The following MAP3K14 variants were observed in gnomAD, a reference collection of about 807,000 sequenced individuals.
The protein encoded by MAP3K14 is NF-kappa-beta-inducing kinase.
In MAP3K14, 16 loss-of-function variants were observed where a neutral mutation model predicts 99.2. The observed-to-expected ratio is 0.16, with a 90% CI of 0.11 to 0.24. The LOEUF is 0.24. Among genes scored for constraint, MAP3K14 ranks in the 10% least tolerant of loss-of-function variants. The pLI is 1.00. For synonymous variants in MAP3K14, 462 were observed against 492.4 expected, an observed-to-expected ratio of 0.94 and a Z score of 0.82; for missense variants, 784 against 1,208.7, an observed-to-expected ratio of 0.65 and a Z score of 5.21.
At position 45,267,502 on chromosome 17, in the gene MAP3K14, G is replaced by A. The variant is rs1303067161; in HGVS notation, c.2230C>T (p.Pro744Ser). 1.2e-5 allele frequency: 19 copies of A among 1,612,908 alleles called. No homozygotes were observed. Among genetic ancestry groups the A allele is most frequent in the Non-Finnish European group, 1.5e-5 (18 of 1,179,402 alleles). The change falls in exon 12 of 16, where the codon CCT (proline) becomes TCT (serine). Residue 744 changes from proline (P) to serine (S), a missense_variant. Physicochemically the swap from Pro to Ser is moderately conservative, Grantham distance 74. Around this residue, in one of 5 missense-constraint regions of MAP3K14, gnomAD observed 128 missense variants for 143.3 expected, o/e 0.89. Transcript: ENST00000344686. The surrounding 1 kb of genome is among the most constrained non-coding windows in gnomAD (Gnocchi z 5.1). ...GGGGCTGGCTCCAGGGAGGACAGAG[G>A]TAAGGGTTCCCACATCCCAGACTCC... ...KEESGMWEPL[P>S]LSSLEPAPAR...
At chr17:45,289,211 A>T in intron 3 of MAP3K14, 25 bp downstream of exon 3, 7 of 1,610,960 alleles carry the variant, frequency 4.3e-6, no homozygotes, top group Non-Finnish European at 5.9e-6. Context: ...CCACCTTCCC[A>T]CTCAGGCTTG....
In MAP3K14 at chr17:45,267,758, C is replaced by A; in HGVS notation, c.1974G>T (p.Val658=). 1 of 1,605,922 alleles carries A rather than the reference C, an allele frequency of 6.2e-7. No homozygotes were observed. Among genetic ancestry groups the A allele is most frequent in the Non-Finnish European group, 8.5e-7 (1 of 1,178,564 alleles). The part of the protein sequence containing the change: ...GGKVNRALQQ[V]GGLKSPWRGE... ...CCCTCCAAGGGCTCTTCAGACCTCC[C>A]ACTAGAAAACAGAGAGTACAATGGT... is the stretch of plus-strand genomic sequence containing the variant. Residue 658 remains valine, a splice_region_variant and synonymous_variant, in exon 12 of 16, where the codon GTG becomes GTT. Coordinates refer to ENST00000344686, the MANE Select transcript of MAP3K14 (RefSeq NM_003954.5). This position sits in a 1 kb window ranked among gnomAD's most constrained non-coding sequence, Gnocchi z 5.1.
At position 45,289,237 on chromosome 17, in the gene MAP3K14, T is replaced by C; in HGVS notation, c.325A>G (p.Ser109Gly). ...CTCAGGCTTGTCTCCCCTGCTTACC[T>C]GTACTGTTTGGACCCAGCGATGAAA... ...RIFIAGSKQYSQSESLDQIPN... is the reference protein window; with the variant it reads ...RIFIAGSKQYGQSESLDQIPN... Residue 109 changes from serine (S) to glycine (G), a missense_variant and splice_region_variant, in exon 3 of 16, where the codon AGC (serine) becomes GGC (glycine). Ser to Gly is a moderately conservative substitution (Grantham distance 56). Coordinates refer to ENST00000344686, the MANE Select transcript of MAP3K14 (RefSeq NM_003954.5). 2 of 1,613,864 alleles carry C rather than the reference T, an allele frequency of 1.2e-6. No homozygotes were observed. The highest frequency in any genetic ancestry group is 1.7e-6 in the Non-Finnish European group (2 of 1,179,760).
intron 1 of MAP3K14, among the ~76,000 whole-genome samples, chr17:45,294,161 C>A (rs910069137): frequency 3.3e-5 from 5 of 152,240 alleles, no homozygotes; most frequent in African/African-American, 1.2e-4. Context: ...GGCATTGGGC[C>A]CTCTACTCTC....
chr17:45,287,735 T>TTGGGGAGA (rs2044278801), intron 3 of MAP3K14, among the ~76,000 whole-genome samples: 1 of 152,222 alleles, frequency 6.6e-6, no homozygotes, highest in African/African-American at 2.4e-5. Context: ...GTTCGCTCAC[T>TTGGGGAGA]GCTCTCCAAG....
Position 45,270,481 on chromosome 17 carries a change from C to G in MAP3K14, c.1904G>C (p.Arg635Thr). ...AGACACGCGGTGGATGGGCTCTTTC[C>G]TCAGCCCCTCTTGGATGGCCTGGGC... Reference protein sequence around the residue: ...LTAQAIQEGLRKEPIHRVSAA... With the variant: ...LTAQAIQEGLTKEPIHRVSAA... The change falls in exon 11 of 16, where the codon AGG becomes ACG. Residue 635 changes from arginine to threonine, a missense_variant. This residue lies in a region of MAP3K14 where 200 missense variants were observed against 367.9 expected (regional missense o/e 0.54). Coordinates refer to ENST00000344686, the MANE Select transcript of MAP3K14 (RefSeq NM_003954.5). 1 of 1,611,146 alleles carries G rather than the reference C, an allele frequency of 6.2e-7. No individual in the cohort carries two copies. Among genetic ancestry groups the G allele is most frequent in the Non-Finnish European group, 8.5e-7 (1 of 1,178,922 alleles).
At chr17:45,301,356 A>G (rs1236028966) in intron 1 of MAP3K14, among the ~76,000 whole-genome samples, 2 of 152,076 alleles carry the variant, frequency 1.3e-5, no homozygotes, top group Non-Finnish European at 1.5e-5. Flanking sequence ...CCAGCTACTC[A>G]GGAGACTGAG....
chr17:45,274,096 A>G, intron 8 of MAP3K14, 27 bp downstream of exon 8: 1 of 1,604,834 alleles, frequency 6.2e-7, no homozygotes, highest in Non-Finnish European at 8.5e-7. Context: ...CCTGCTGGGG[A>G]TCAGGGCCGT....
intron 6 of MAP3K14, among the ~76,000 whole-genome samples, chr17:45,278,373 C>G (rs1488761016): frequency 6.6e-6 from 1 of 152,224 alleles, no homozygotes; most frequent in African/African-American, 2.4e-5. Flanking sequence ...CTTCCGTGTT[C>G]CTCATCCGTA....
rs757794609 is a variant in MAP3K14, at chr17:45,270,547, G to A, written c.1838C>T (p.Pro613Leu). ...PLCLKIASEPPPVREIPPSCA... is the reference protein window; with the variant it reads ...PLCLKIASEPLPVREIPPSCA... ...GGAGGGTGGGATCTCCCTCACAGGC[G>A]GAGGCTCGCTGGCAATCTGGGGGGC... is the stretch of plus-strand genomic sequence containing the variant. Residue 613 changes from proline (P) to leucine (L), a missense_variant, in exon 11 of 16, where the codon CCG becomes CTG. This residue lies in a region of MAP3K14 where 200 missense variants were observed against 367.9 expected (regional missense o/e 0.54). Transcript: ENST00000344686. The A allele has an allele frequency of 6.4e-7, 1 of 1,558,886 alleles. No individual in the cohort carries two copies. The highest frequency in any genetic ancestry group is 1.2e-5 in the South Asian group (1 of 83,790).
chr17:45,278,679 CT>C (rs34562745), intron 6 of MAP3K14, among the ~76,000 whole-genome samples: 2,178 of 138,996 alleles, frequency 0.016, 37 homozygotes, highest in African/African-American at 0.044. Flanking sequence ...CCATGCTGAA[CT>C]TTTTTTTTTT....
In MAP3K14 at chr17:45,285,073, C is replaced by G. The variant is rs1489493646; in HGVS notation, c.1153-124G>C. The G allele has an allele frequency of 4.7e-6, 5 of 1,062,340 alleles. No homozygotes were observed. In the African/African-American group the frequency reaches 8.0e-5, roughly 17 times the overall value. The allele number at this position is 1,062,340 out of a possible 1,614,324, so 65.8% of individuals were successfully genotyped here. On this transcript the variant is annotated intron_variant, in intron 5 of 15. Coordinates refer to ENST00000344686, the MANE Select transcript of MAP3K14 (RefSeq NM_003954.5). ...GGGCTGCTGAGCTGAGCCCTCACAACCAGGCAGCCCTGGGGCGAAGGCAGG... is the reference window on the plus strand; with the variant it reads ...GGGCTGCTGAGCTGAGCCCTCACAAGCAGGCAGCCCTGGGGCGAAGGCAGG...
At chr17:45,302,648 C>T (rs947404506) in intron 1 of MAP3K14, among the ~76,000 whole-genome samples, 20 of 152,180 alleles carry the variant, frequency 1.3e-4, no homozygotes, top group African/African-American at 4.8e-4. Context: ...AAAAAAGAAT[C>T]TCTTGGCATG....
At chr17:45,275,887 G>A (rs1598247877) in intron 6 of MAP3K14, among the ~76,000 whole-genome samples, 1 of 150,494 alleles carries the variant, frequency 6.6e-6, no homozygotes, top group Admixed American at 6.7e-5. Context: ...TCAGCCTCCC[G>A]AGTAGCTGGG....
chr17:45,280,299 C>CTTTTTTTTTTTTTTTTTTTTTTT, intron 6 of MAP3K14, among the ~76,000 whole-genome samples: 1 of 122,334 alleles, frequency 8.2e-6, no homozygotes, highest in Non-Finnish European at 1.7e-5. Flanking sequence ...CACAGAAACA[C>CTTTTTTTTTTTTTTTTTTTTTTT]TTTTTTTTTT....
intron 3 of MAP3K14, among the ~76,000 whole-genome samples, chr17:45,288,385 T>TTG (rs1269481520): frequency 6.6e-6 from 1 of 151,018 alleles, no homozygotes; most frequent in Non-Finnish European, 1.5e-5. Flanking sequence ...TCTTGTTTTT[T>TTG]TTTTTTTTTT....
intron 1 of MAP3K14, among the ~76,000 whole-genome samples, chr17:45,302,539 C>G (rs950375027): frequency 6.6e-6 from 1 of 152,134 alleles, no homozygotes; most frequent in Non-Finnish European, 1.5e-5. Context: ...AACTCCTGAC[C>G]TCAAGTGATC....
chr17:45,291,296 CTGTGTG>C (rs10578692), intron 1 of MAP3K14, among the ~76,000 whole-genome samples: 3 of 149,824 alleles, frequency 2.0e-5, no homozygotes, highest in African/African-American at 7.3e-5. Context: ...AGGTAGATAT[CTGTGTG>C]TGTGTGTGTG....
At chr17:45,288,651 T>C (rs111414161) in intron 3 of MAP3K14, among the ~76,000 whole-genome samples, 7 of 152,234 alleles carry the variant, frequency 4.6e-5, no homozygotes, top group African/African-American at 1.7e-4. Flanking sequence ...GCTGGGATTA[T>C]AGGTGAGAGC....
Sources: allele counts gnomAD v4.1 joint callset (sites outside exome capture counted in the v4.1 genomes callset), GRCh38; gene constraint gnomAD v4.1.1; regional missense constraint gnomAD v4.1.1; non-coding constraint Gnocchi (gnomAD v3.1); transcripts MANE v1.5; gene names NCBI Gene and HGNC (gene_info 2026-07-23, HGNC 2026-07-21).